SMYD2: variants seen among roughly 807,000 people sequenced by gnomAD.
SMYD2 encodes N-lysine methyltransferase SMYD2.
SMYD2 carries 53 observed loss-of-function variants against 59.1 expected under a neutral mutation model. The observed-to-expected ratio is 0.90, with a 90% confidence interval of 0.72 to 1.13. The LOEUF (loss-of-function observed/expected upper bound fraction) is 1.13, where lower values mean the gene tolerates loss of function less well. Ranked by LOEUF, SMYD2 falls within the 50% of genes most tolerant of loss-of-function variation. SMYD2 has a pLI of 0.00. For synonymous variants in SMYD2, 208 were observed against 198.8 expected (o/e 1.05, Z -0.39); for missense variants, 494 against 544.7 (o/e 0.91, Z 0.93).
chr1:214,285,865 C>T (rs1054833898), intron 1 of SMYD2, among the ~76,000 whole-genome samples: 1 of 152,178 alleles, frequency 6.6e-6, no homozygotes, highest in Non-Finnish European at 1.5e-5. Flanking sequence ...AGGTTACAAA[C>T]CTGTACAGCA....
chr1:214,314,117 C>T (rs771632186), intron 2 of SMYD2, among the ~76,000 whole-genome samples: 4 of 151,802 alleles, frequency 2.6e-5, no homozygotes, highest in Non-Finnish European at 5.9e-5. Flanking sequence ...GCAGAGGTTG[C>T]AGTGAGTCGA....
chr1:214,329,305 C>T (rs901057102), intron 7 of SMYD2, among the ~76,000 whole-genome samples: 4 of 152,182 alleles, frequency 2.6e-5, no homozygotes, highest in African/African-American at 9.7e-5. Context: ...CAGCCCTGTG[C>T]GTGTCCTCCC....
At chr1:214,335,151 T>C (rs1306919965) in intron 11 of SMYD2, among the ~76,000 whole-genome samples, 1 of 152,224 alleles carries the variant, frequency 6.6e-6, no homozygotes. Context: ...GCTGGGGCCA[T>C]GGACAGGGCC....
chr1:214,301,546 A>G (rs59864830), intron 1 of SMYD2, among the ~76,000 whole-genome samples: 37,533 of 138,514 alleles, frequency 0.27, 5,456 homozygotes, highest in Non-Finnish European at 0.35. Context: ...TATTACCACT[A>G]GTCTCATCAG....
Position 214,318,139 on chromosome 1 carries a change from C to CATCT in SMYD2, c.409_409+1insATCT (p.Asp139SerfsTer3). 6.2e-7 allele frequency: 1 copy of CATCT among 1,613,720 alleles called. No homozygotes were observed. Among genetic ancestry groups the CATCT allele is most frequent in the Non-Finnish European group, 8.5e-7 (1 of 1,179,916 alleles). Reference sequence around the variant, plus strand: ...GTTAGCTGTGAAGGAGTTTGAATCACGTAAGTCTTTCTGTGACCAGCCGCG... The same window carrying CATCT: ...GTTAGCTGTGAAGGAGTTTGAATCACATCTGTAAGTCTTTCTGTGACCAGCCGCG... On this transcript the variant is annotated frameshift_variant and splice_region_variant. Coordinates refer to ENST00000366957, the MANE Select transcript of SMYD2 (RefSeq NM_020197.3). LOFTEE classifies it high-confidence loss of function. The surrounding 1 kb of genome is among the most constrained non-coding windows in gnomAD (Gnocchi z 5.4).
At chr1:214,321,104 G>A (rs1027522868) in intron 5 of SMYD2, among the ~76,000 whole-genome samples, 8 of 152,130 alleles carry the variant, frequency 5.3e-5, no homozygotes, top group African/African-American at 1.9e-4. Flanking sequence ...TGTTGATGCC[G>A]TAGTTACAGG....
intron 1 of SMYD2, among the ~76,000 whole-genome samples, chr1:214,289,882 A>T (rs1571918871): frequency 6.6e-6 from 1 of 152,290 alleles, no homozygotes; most frequent in East Asian, 1.9e-4. Flanking sequence ...AGGAACTTGC[A>T]TTGTTAGCCC....
chr1:214,296,777 G>A (rs1656736586), intron 1 of SMYD2, among the ~76,000 whole-genome samples: 1 of 150,886 alleles, frequency 6.6e-6, no homozygotes, highest in East Asian at 1.9e-4. Flanking sequence ...AAAGAAAAAA[G>A]GATTTGAGAG....
Position 214,318,533 on chromosome 1 carries a change from G to T in SMYD2, c.410-326G>T, listed in dbSNP as rs1281975992. ...CACGGCCCAGATTCCCGGGCCAATT[G>T]GGGGGCCCTTGACTAGGCTGAGGCT... On this transcript the variant is annotated intron_variant, in intron 4 of 11. Transcript: ENST00000366957. This position sits in a 1 kb window ranked among gnomAD's most constrained non-coding sequence, Gnocchi z 5.4. 4.6e-5 allele frequency among the ~76,000 whole-genome samples: 7 copies of T among 152,082 alleles called. No individual in the cohort carries two copies. The highest frequency in any genetic ancestry group is 1.5e-5 in the Non-Finnish European group (1 of 68,022).
intron 2 of SMYD2, among the ~76,000 whole-genome samples, chr1:214,308,550 G>A (rs931326912): frequency 2.2e-4 from 33 of 152,240 alleles, no homozygotes; most frequent in African/African-American, 7.2e-4. Flanking sequence ...AGGATAAAAC[G>A]TGGCACAAAA....
chr1:214,327,639 A>G lies in SMYD2; in HGVS notation c.620A>G (p.His207Arg). ...AIFPDVALMN[H>R]SCCPNVIVTY... Reference sequence around the variant, plus strand: ...ACTGACAGTGTTGCATTGATGAATCATAGCTGTTGCCCCAATGTCATTGTG... The same window carrying G: ...ACTGACAGTGTTGCATTGATGAATCGTAGCTGTTGCCCCAATGTCATTGTG... The change falls in exon 7 of 12, where the codon CAT (histidine) becomes CGT (arginine). Residue 207 changes from histidine (H) to arginine (R), a missense_variant. Coordinates refer to ENST00000366957, the MANE Select transcript of SMYD2 (RefSeq NM_020197.3). 1.9e-6 allele frequency: 3 copies of G among 1,614,204 alleles called. No homozygotes were observed. Among genetic ancestry groups the G allele is most frequent in the Non-Finnish European group, 2.5e-6 (3 of 1,180,002 alleles).
chr1:214,309,492 G>A (rs1462650776), intron 2 of SMYD2, among the ~76,000 whole-genome samples: 1 of 152,148 alleles, frequency 6.6e-6, no homozygotes, highest in Non-Finnish European at 1.5e-5. Flanking sequence ...TGAATGTAAA[G>A]AAGAAAACCT....
intron 5 of SMYD2, among the ~76,000 whole-genome samples, chr1:214,322,183 A>G (rs1431268269): frequency 1.3e-5 from 2 of 152,232 alleles, no homozygotes; most frequent in African/African-American, 2.4e-5. Context: ...TTTCATTCTG[A>G]AAACATTTGT....
chr1:214,319,361 A>G (rs986556480), intron 5 of SMYD2, among the ~76,000 whole-genome samples: 3 of 152,144 alleles, frequency 2.0e-5, no homozygotes, highest in Non-Finnish European at 2.9e-5. Context: ...CTTCTGTTCT[A>G]TCTGTAGTGT....
intron 11 of SMYD2, among the ~76,000 whole-genome samples, chr1:214,335,350 G>C (rs1040344535): frequency 5.9e-5 from 9 of 152,250 alleles, no homozygotes; most frequent in Admixed American, 1.3e-4. Context: ...CAACTGCAAA[G>C]TGTGTCAGGT....
chr1:214,289,749 C>T (rs1348764472), intron 1 of SMYD2, among the ~76,000 whole-genome samples: 1 of 152,224 alleles, frequency 6.6e-6, no homozygotes, highest in Non-Finnish European at 1.5e-5. Flanking sequence ...TCCTCCTGCT[C>T]ACTCAGCGTT....
At chr1:214,297,433 A>G (rs1656752570) in intron 1 of SMYD2, among the ~76,000 whole-genome samples, 1 of 152,108 alleles carries the variant, frequency 6.6e-6, no homozygotes, top group South Asian at 2.1e-4. Context: ...TGTCTTTTGT[A>G]GGAACGGAGT....
intron 6 of SMYD2, 44 bp from the exon 7 acceptor site, chr1:214,327,578 G>T: frequency 1.3e-6 from 2 of 1,496,368 alleles, no homozygotes; most frequent in South Asian, 1.1e-5. Context: ...TAAACAGTCT[G>T]CCTATCTCAT....
intron 1 of SMYD2, among the ~76,000 whole-genome samples, chr1:214,292,075 A>C (rs1558048520): frequency 7.2e-6 from 1 of 138,746 alleles, no homozygotes; most frequent in Non-Finnish European, 1.5e-5. Context: ...TCAGCTACTA[A>C]ATATTTTCTA....
Sources: allele counts gnomAD v4.1 joint callset (sites outside exome capture counted in the v4.1 genomes callset), GRCh38; gene constraint gnomAD v4.1.1; non-coding constraint Gnocchi (gnomAD v3.1); transcripts MANE v1.5; gene names NCBI Gene and HGNC (gene_info 2026-07-23, HGNC 2026-07-21).